The following GALNT17 variants were observed in gnomAD, a reference collection of about 807,000 sequenced individuals.
GALNT17 encodes the protein UDP-GalNAc:polypeptide N-acetylgalactosaminyltransferase-like 3.
In GALNT17, 29 loss-of-function variants were observed where a neutral mutation model predicts 63.7. The ratio of observed to expected loss-of-function variants is 0.46; its 90% CI spans 0.34 to 0.62. The LOEUF is 0.62. Ranked by LOEUF, GALNT17 falls within the 20% of genes least tolerant of loss-of-function variation. GALNT17 has a pLI of 0.01. For synonymous variants in GALNT17, 305 were observed against 318.3 expected (o/e 0.96, Z 0.45); for missense variants, 603 against 799.6 (o/e 0.75, Z 2.97).
chr7:71,462,990 G>T (rs573813100), intron 5 of GALNT17, among the ~76,000 whole-genome samples: 48 of 152,292 alleles, frequency 3.2e-4, no homozygotes, highest in Non-Finnish European at 4.7e-4. Context: ...AGGTTTAATT[G>T]TTGGGCCACT....
At chr7:71,233,557 A>G (rs1189779786) in intron 1 of GALNT17, among the ~76,000 whole-genome samples, 2 of 152,206 alleles carry the variant, frequency 1.3e-5, no homozygotes. Context: ...CCTGTTGGCC[A>G]TATGGGAAGC....
chr7:71,159,044 C>T (rs893242841), intron 1 of GALNT17, among the ~76,000 whole-genome samples: 2 of 151,712 alleles, frequency 1.3e-5, no homozygotes, highest in Non-Finnish European at 2.9e-5. Flanking sequence ...TGATCTCATG[C>T]TTTTACAAGC....
chr7:71,410,024 A>G (rs1472586005), intron 3 of GALNT17, among the ~76,000 whole-genome samples: 1 of 152,208 alleles, frequency 6.6e-6, no homozygotes, highest in East Asian at 1.9e-4. Context: ...TATGCAGGAC[A>G]TGAAAGAATA....
chr7:71,688,445 A>AT (rs1450240262), intron 9 of GALNT17, among the ~76,000 whole-genome samples: 2 of 151,590 alleles, frequency 1.3e-5, no homozygotes, highest in Non-Finnish European at 2.9e-5. Flanking sequence ...GCTTGCTGAG[A>AT]TTTTCCCCGA....
chr7:71,421,588 C>T (rs1419469042), intron 5 of GALNT17, among the ~76,000 whole-genome samples: 1 of 152,002 alleles, frequency 6.6e-6, no homozygotes, highest in Non-Finnish European at 1.5e-5. Flanking sequence ...GCCCCGGGTC[C>T]CACCCAGCTG....
At chr7:71,475,046 C>G (rs1787701018) in intron 5 of GALNT17, among the ~76,000 whole-genome samples, 1 of 152,050 alleles carries the variant, frequency 6.6e-6, no homozygotes, top group African/African-American at 2.4e-5. Flanking sequence ...CTGGAGCATT[C>G]AGAGGGAACA....
chr7:71,633,603 T>C (rs1488575003), intron 6 of GALNT17, among the ~76,000 whole-genome samples: 1 of 152,204 alleles, frequency 6.6e-6, no homozygotes, highest in African/African-American at 2.4e-5. Flanking sequence ...TCTGCTAATC[T>C]TCATATAACA....
chr7:71,428,172 AACTATCTCC>A (rs1563085172), intron 5 of GALNT17, among the ~76,000 whole-genome samples: 2 of 152,184 alleles, frequency 1.3e-5, no homozygotes, highest in African/African-American at 4.8e-5. Context: ...AGTGTTGTGC[AACTATCTCC>A]ACGATCTACT....
intron 9 of GALNT17, among the ~76,000 whole-genome samples, chr7:71,710,237 C>T (rs185976638): frequency 6.6e-6 from 1 of 152,286 alleles, no homozygotes. Context: ...GGGCCGGGCG[C>T]CGTGGCTCAT....
At position 71,388,399 on chromosome 7, in the gene GALNT17, A is replaced by G. The variant is rs749226146; in HGVS notation, c.587A>G (p.Glu196Gly). The change falls in exon 3 of 11, where the codon GAA becomes GGA. Residue 196 changes from glutamate (E) to glycine (G), a missense_variant and splice_region_variant. Transcript: ENST00000333538. The part of the protein sequence containing the change: ...EIILVDDNSD[E>G]EELKVPLEEY... ...ATTCTGGTGGATGACAACAGCGACG[A>G]AGGTACAGGGGTGGCTGACCTGTGC... 4 of 1,613,734 alleles carry G rather than the reference A, an allele frequency of 2.5e-6. No individual in the cohort carries two copies. The highest frequency in any genetic ancestry group is 3.4e-6 in the Non-Finnish European group (4 of 1,179,882).
chr7:71,646,406 G>A (rs1248333168), intron 6 of GALNT17, among the ~76,000 whole-genome samples: 2 of 152,174 alleles, frequency 1.3e-5, no homozygotes, highest in African/African-American at 4.8e-5. Context: ...AGCAGCCCCA[G>A]CCACAGGCCA....
At chr7:71,450,919 CT>C (rs796398074) in intron 5 of GALNT17, among the ~76,000 whole-genome samples, 2,141 of 102,148 alleles carry the variant, frequency 0.021, 53 homozygotes, top group African/African-American at 0.077. Flanking sequence ...TGGCGTTTTT[CT>C]TTTTTTTATT....
At chr7:71,543,492 A>G (rs1222703277) in intron 5 of GALNT17, among the ~76,000 whole-genome samples, 8 of 152,200 alleles carry the variant, frequency 5.3e-5, no homozygotes, top group African/African-American at 2.4e-5. Flanking sequence ...AGATCTGGAA[A>G]GTCCTCGGAC....
chr7:71,403,061 T>G (rs1349563294), intron 3 of GALNT17, among the ~76,000 whole-genome samples: 1 of 152,214 alleles, frequency 6.6e-6, no homozygotes, highest in African/African-American at 2.4e-5. Context: ...CATTTACATT[T>G]CTCTTTGTGT....
intron 2 of GALNT17, among the ~76,000 whole-genome samples, chr7:71,386,567 A>G (rs531576756): frequency 4.6e-5 from 7 of 152,300 alleles, no homozygotes; most frequent in South Asian, 2.1e-4. Context: ...TGAGAGAAGC[A>G]GAGCACGTTC....
rs568918514 is a variant in GALNT17, at chr7:71,429,991, G to A, written c.962+8886G>A. 3.9e-5 allele frequency among the ~76,000 whole-genome samples: 6 copies of A among 152,148 alleles called. No individual in the cohort carries two copies. In the East Asian group the frequency reaches 7.8e-4, roughly 20 times the overall value. On this transcript the variant is annotated intron_variant, in intron 5 of 10. Transcript: ENST00000333538. ...CAGAGTGCTGGGATTACATACGTGA[G>A]CCACCGTGCCTGGCTGTAATTTTTA...
chr7:71,542,409 A>G (rs1366740083), intron 5 of GALNT17, among the ~76,000 whole-genome samples: 1 of 152,028 alleles, frequency 6.6e-6, no homozygotes, highest in Admixed American at 6.6e-5. Context: ...GTCACTCTTC[A>G]CTAAAAGATA....
chr7:71,693,305 C>CATATATATATATATATATATATAT lies in GALNT17; in HGVS notation c.1500+16000_1500+16001insTATATATATATATATATATATATA, dbSNP rs1375479092. Among the ~76,000 whole-genome samples, 13 of 126,076 alleles carry CATATATATATATATATATATATAT rather than the reference C, an allele frequency of 1.0e-4. 1 individual carries two copies. In the East Asian group the frequency reaches 2.9e-3, roughly 28 times the overall value. 82.7% of individuals were successfully genotyped at this position (126,076 alleles called of 152,430 possible). A position where few individuals can be genotyped will look rare whatever the true frequency, so the allele number is the denominator to read the frequency against. Reference sequence around the variant, plus strand: ...ACACACACACACACACACACACACACACACATATATATATATGGAGACAAG... The same window carrying CATATATATATATATATATATATAT: ...ACACACACACACACACACACACACACATATATATATATATATATATATATACACATATATATATATGGAGACAAG... On this transcript the variant is annotated intron_variant, in intron 9 of 10. Transcript: ENST00000333538.
chr7:71,444,436 G>A (rs1003079336), intron 5 of GALNT17, among the ~76,000 whole-genome samples: 1 of 152,160 alleles, frequency 6.6e-6, no homozygotes, highest in African/African-American at 2.4e-5. Flanking sequence ...GGCTTAGGAG[G>A]ATATAGACAC....
Sources: allele counts gnomAD v4.1 joint callset (sites outside exome capture counted in the v4.1 genomes callset), GRCh38; gene constraint gnomAD v4.1.1; transcripts MANE v1.5; gene names NCBI Gene and HGNC (gene_info 2026-07-23, HGNC 2026-07-21).